The following DNER variants were observed in gnomAD, a reference collection of about 807,000 sequenced individuals.
The protein encoded by DNER is delta/notch like EGF repeat containing.
Under a neutral mutation model 78.2 loss-of-function variants are expected in DNER, and 33 were observed. That is an observed-to-expected ratio of 0.42 (90% CI 0.32 to 0.56). The LOEUF is 0.56. DNER is among the 20% of genes least tolerant of loss of function. The probability of loss-of-function intolerance (pLI) is 0.11; values close to 1 mark genes in which losing one functional copy is unlikely to be tolerated. For missense variants in DNER, 918 were observed against 975.3 expected (o/e 0.94, Z 0.78); for synonymous variants, 417 against 384.8 (o/e 1.08, Z -0.98).
At chr2:229,700,337 A>ATT (rs373414789) in intron 1 of DNER, among the ~76,000 whole-genome samples, 8 of 125,044 alleles carry the variant, frequency 6.4e-5, no homozygotes, top group African/African-American at 2.4e-4. Flanking sequence ...TCAGTGCAAC[A>ATT]TTTTTTTTTT....
chr2:229,385,970 CT>C, intron 11 of DNER, among the ~76,000 whole-genome samples: 1 of 152,254 alleles, frequency 6.6e-6, no homozygotes, highest in East Asian at 1.9e-4. Context: ...GAAAAATCTA[CT>C]TTAAAGTTCA....
intron 4 of DNER, among the ~76,000 whole-genome samples, chr2:229,583,729 T>C (rs1697443847): frequency 6.6e-6 from 1 of 152,190 alleles, no homozygotes; most frequent in Non-Finnish European, 1.5e-5. Flanking sequence ...TAGATAAATC[T>C]TTACAGCAGA....
At chr2:229,368,619 G>C (rs1692405056) in intron 11 of DNER, among the ~76,000 whole-genome samples, 1 of 152,134 alleles carries the variant, frequency 6.6e-6, no homozygotes, top group African/African-American at 2.4e-5. Context: ...CATTGAAAAG[G>C]TCAAAAGGAT....
intron 5 of DNER, among the ~76,000 whole-genome samples, chr2:229,523,360 C>T (rs1395378335): frequency 1.3e-5 from 2 of 152,338 alleles, no homozygotes; most frequent in South Asian, 2.1e-4. Context: ...TTTCTCATCG[C>T]TCTGGAGGTT....
chr2:229,693,228 T>G (rs1699610181), intron 1 of DNER, among the ~76,000 whole-genome samples: 1 of 151,770 alleles, frequency 6.6e-6, no homozygotes, highest in Non-Finnish European at 1.5e-5. Flanking sequence ...TTCTCCTTGA[T>G]GCCACCATGT....
intron 1 of DNER, among the ~76,000 whole-genome samples, chr2:229,676,227 T>C (rs1699298639): frequency 6.6e-6 from 1 of 152,198 alleles, no homozygotes; most frequent in East Asian, 1.9e-4. Flanking sequence ...TGCTCTTGAC[T>C]TTGCAGAAGG....
At chr2:229,640,963 A>C (rs1421643110) in intron 1 of DNER, among the ~76,000 whole-genome samples, 1 of 152,206 alleles carries the variant, frequency 6.6e-6, no homozygotes, top group Admixed American at 6.5e-5. Context: ...AATGGAGCAC[A>C]TGGCTTCCAC....
chr2:229,393,535 A>T (rs1693064339), intron 10 of DNER, among the ~76,000 whole-genome samples: 1 of 152,012 alleles, frequency 6.6e-6, no homozygotes, highest in Non-Finnish European at 1.5e-5. Context: ...AAACTCAGAA[A>T]GAAAAAAGAC....
chr2:229,642,368 A>G (rs1337623342), intron 1 of DNER, among the ~76,000 whole-genome samples: 1 of 152,204 alleles, frequency 6.6e-6, no homozygotes, highest in Non-Finnish European at 1.5e-5. Flanking sequence ...GAGTTTGTAC[A>G]AAGTTTTGCA....
chr2:229,599,222 G>A (rs1697781613), intron 1 of DNER, among the ~76,000 whole-genome samples: 1 of 152,092 alleles, frequency 6.6e-6, no homozygotes, highest in Non-Finnish European at 1.5e-5. Context: ...AAGAACAGGG[G>A]GAATTTGTGT....
At chr2:229,528,080 T>C (rs1696239817) in intron 5 of DNER, among the ~76,000 whole-genome samples, 1 of 152,246 alleles carries the variant, frequency 6.6e-6, no homozygotes, top group Admixed American at 6.5e-5. Context: ...ATCAACTTTC[T>C]TCCAACAATT....
chr2:229,432,688 G>A (rs1284143928), intron 8 of DNER, among the ~76,000 whole-genome samples: 2 of 152,110 alleles, frequency 1.3e-5, no homozygotes, highest in Admixed American at 6.6e-5. Context: ...TTAGAAATGC[G>A]TGTTCTCAGG....
intron 9 of DNER, among the ~76,000 whole-genome samples, chr2:229,409,629 T>G (rs557945231): frequency 3.6e-4 from 55 of 152,344 alleles, no homozygotes; most frequent in African/African-American, 1.3e-3. Flanking sequence ...TTTGTTTGGA[T>G]AGATGGCTCT....
At position 229,540,030 on chromosome 2, in the gene DNER, CA is replaced by C. The variant is rs200742039; in HGVS notation, c.993+6916del. ...CAATAACGTTGCAATGAAGGGAATGCAAAAAATAATGAATATAAAGACATAT... is the reference window on the plus strand; with the variant it reads ...CAATAACGTTGCAATGAAGGGAATGCAAAAATAATGAATATAAAGACATAT... On this transcript the variant is annotated intron_variant, in intron 5 of 12. Coordinates refer to ENST00000341772, the MANE Select transcript of DNER (RefSeq NM_139072.4). Among the ~76,000 whole-genome samples, 426 of 152,124 alleles carry C rather than the reference CA, an allele frequency of 2.8e-3. 2 individuals are homozygous for C. The highest frequency in any genetic ancestry group is 9.5e-3 in the African/African-American group (393 of 41,504).
intron 9 of DNER, among the ~76,000 whole-genome samples, chr2:229,414,249 A>T (rs2396662): frequency 0.69 from 104,817 of 152,082 alleles, 38,187 homozygotes; most frequent in Non-Finnish European, 0.82. Flanking sequence ...TAAACCTAAA[A>T]GTCTTTATAA....
intron 8 of DNER, among the ~76,000 whole-genome samples, chr2:229,434,688 A>C (rs1017417287): frequency 1.3e-5 from 2 of 152,116 alleles, no homozygotes; most frequent in African/African-American, 4.8e-5. Flanking sequence ...TATGTTAATA[A>C]CCTGAAGGGA....
intron 9 of DNER, among the ~76,000 whole-genome samples, chr2:229,413,463 C>CA (rs1331299519): frequency 6.6e-6 from 1 of 151,258 alleles, no homozygotes; most frequent in Non-Finnish European, 1.5e-5. Context: ...GCTGGGACTA[C>CA]AGGCATGTGC....
chr2:229,601,395 G>C (rs972203676), intron 1 of DNER, among the ~76,000 whole-genome samples: 4 of 152,108 alleles, frequency 2.6e-5, no homozygotes, highest in African/African-American at 7.2e-5. Flanking sequence ...TGCATCCCAA[G>C]ATTTTTTTCC....
chr2:229,569,661 A>G (rs753115461), intron 4 of DNER, among the ~76,000 whole-genome samples: 1 of 152,216 alleles, frequency 6.6e-6, no homozygotes, highest in African/African-American at 2.4e-5. Flanking sequence ...TAGAAGGTCA[A>G]TGCTATGTAA....
Sources: gnomAD v4.1 joint callset for allele counts (sites outside exome capture counted in the v4.1 genomes callset) on GRCh38, gnomAD v4.1.1 for gene constraint, MANE v1.5 for transcripts, NCBI Gene and HGNC (gene_info 2026-07-23, HGNC 2026-07-21) for gene names.